MVB12B: variants seen among roughly 807,000 people sequenced by gnomAD.
MVB12B encodes multivesicular body subunit 12B, also known as ESCRT-I complex subunit MVB12B.
A neutral mutation model predicts 41.6 loss-of-function variants in MVB12B; 16 were observed. That is an observed-to-expected ratio of 0.38 (90% CI 0.26 to 0.58). The LOEUF is 0.58. Ranked by LOEUF, MVB12B falls within the 20% of genes least tolerant of loss-of-function variation. The pLI is 0.62. For missense variants in MVB12B, 274 were observed against 380.2 expected (o/e 0.72, Z 2.32); for synonymous variants, 133 against 139.7 (o/e 0.95, Z 0.34).
chr9:126,337,332 C>T (rs1020995920), intron 1 of MVB12B, among the ~76,000 whole-genome samples: 11 of 152,156 alleles, frequency 7.2e-5, no homozygotes, highest in Non-Finnish European at 1.5e-4. Flanking sequence ...CAAACATGGC[C>T]TTAGCTCATT....
At chr9:126,474,703 A>G (rs1017245033) in intron 7 of MVB12B, among the ~76,000 whole-genome samples, 1 of 152,202 alleles carries the variant, frequency 6.6e-6, no homozygotes, top group Admixed American at 6.5e-5. Flanking sequence ...CTTTTGCTGC[A>G]GTTCTCATGT....
intron 2 of MVB12B, among the ~76,000 whole-genome samples, chr9:126,370,838 T>A (rs1588115050): frequency 6.6e-6 from 1 of 152,198 alleles, no homozygotes; most frequent in East Asian, 1.9e-4. Flanking sequence ...GTTTTCAATT[T>A]TAGGGTAGTA....
At chr9:126,428,036 C>T (rs926389572) in intron 7 of MVB12B, among the ~76,000 whole-genome samples, 6 of 151,896 alleles carry the variant, frequency 4.0e-5, no homozygotes, top group African/African-American at 1.5e-4. Flanking sequence ...TTTTAAAAAC[C>T]AGCCCCCCTT....
chr9:126,469,781 A>G (rs1176142337), intron 7 of MVB12B, among the ~76,000 whole-genome samples: 1 of 152,242 alleles, frequency 6.6e-6, no homozygotes, highest in Non-Finnish European at 1.5e-5. Flanking sequence ...AGGTGTGTGC[A>G]CTGACCCAGT....
At chr9:126,456,306 C>T (rs1016481036) in intron 7 of MVB12B, among the ~76,000 whole-genome samples, 1 of 152,186 alleles carries the variant, frequency 6.6e-6, no homozygotes, top group Admixed American at 6.5e-5. Context: ...AGCTCTTTCG[C>T]ACACGATTTC....
intron 7 of MVB12B, among the ~76,000 whole-genome samples, chr9:126,424,520 C>A (rs181604017): frequency 6.6e-6 from 1 of 152,322 alleles, no homozygotes; most frequent in Non-Finnish European, 1.5e-5. Flanking sequence ...TGCTTGAATG[C>A]CTGTGGTGTC....
intron 6 of MVB12B, chr9:126,397,486 G>T (rs1473670282): frequency 2.0e-6 from 2 of 985,326 alleles, no homozygotes; most frequent in African/African-American, 3.5e-5. Flanking sequence ...AAGGAAATCG[G>T]ATCAGTTTTG....
At chr9:126,410,694 T>C (rs892030703) in intron 6 of MVB12B, among the ~76,000 whole-genome samples, 2 of 152,092 alleles carry the variant, frequency 1.3e-5, no homozygotes, top group African/African-American at 4.8e-5. Context: ...CATCCTTGGC[T>C]TTGTGACATC....
Position 126,340,760 on chromosome 9 carries a change from C to A in MVB12B, c.204+130C>A. On this transcript the variant is annotated intron_variant, in intron 2 of 9. Transcript: ENST00000361171. The surrounding 1 kb of genome is among the most constrained non-coding windows in gnomAD (Gnocchi z 4.0). ...CTCTAGGAACTTAATCCAGGGAGGG[C>A]GTGGAGAGCATCCTGGTTTGGGAGT... 3 of 1,111,972 alleles carry A rather than the reference C, an allele frequency of 2.7e-6. No homozygotes were observed. The highest frequency in any genetic ancestry group is 2.5e-6 in the Non-Finnish European group (2 of 789,932). The allele number at this position is 1,111,972 out of a possible 1,614,324, so 68.9% of individuals were successfully genotyped here. A position where few individuals can be genotyped will look rare whatever the true frequency, so the allele number is the denominator to read the frequency against.
intron 6 of MVB12B, among the ~76,000 whole-genome samples, chr9:126,406,286 G>A (rs185866749): frequency 2.5e-4 from 38 of 152,274 alleles, no homozygotes; most frequent in African/African-American, 7.0e-4. Flanking sequence ...AAAAATCACC[G>A]TCCAGCCTGT....
intron 2 of MVB12B, among the ~76,000 whole-genome samples, chr9:126,350,991 A>T (rs543107350): frequency 1.3e-5 from 2 of 152,246 alleles, no homozygotes; most frequent in East Asian, 3.9e-4. Flanking sequence ...TCACATCCCC[A>T]CTATGTTGAG....
At chr9:126,496,961 C>T (rs1289981928) in intron 9 of MVB12B, among the ~76,000 whole-genome samples, 1 of 152,114 alleles carries the variant, frequency 6.6e-6, no homozygotes, top group Non-Finnish European at 1.5e-5. Flanking sequence ...AGTGGGAGAC[C>T]CAGGCTTGGA....
chr9:126,396,879 T>C, intron 6 of MVB12B: 1 of 985,482 alleles, frequency 1.0e-6, no homozygotes, highest in Non-Finnish European at 1.2e-6. Context: ...TGAGTCTCTG[T>C]TGGGTTCAAG....
At chr9:126,337,261 A>G (rs2429922) in intron 1 of MVB12B, among the ~76,000 whole-genome samples, 11,572 of 152,088 alleles carry the variant, frequency 0.076, 567 homozygotes, top group Middle Eastern at 0.18. Flanking sequence ...AGATCAACCT[A>G]TTCCCTCCTG....
In MVB12B at chr9:126,478,959, G is replaced by A. The variant is rs1564345577; in HGVS notation, c.758-2410G>A. Among the ~76,000 whole-genome samples, 1 of 152,188 alleles carries A rather than the reference G, an allele frequency of 6.6e-6. No individual in the cohort carries two copies. Among genetic ancestry groups the A allele is most frequent in the Non-Finnish European group, 1.5e-5 (1 of 68,030 alleles). ...GAGGCAGAAAGTCTGGGGAATGAAT[G>A]GTGAGTGGGTTCTGCAGGGGAGCAA... On this transcript the variant is annotated intron_variant, in intron 7 of 9. Transcript: ENST00000361171. This position sits in a 1 kb window ranked among gnomAD's most constrained non-coding sequence, Gnocchi z 4.2.
In MVB12B at chr9:126,340,395, T is replaced by C; in HGVS notation, c.82-113T>C. The C allele has an allele frequency of 8.5e-7, 1 of 1,181,980 alleles. No homozygotes were observed. Among genetic ancestry groups the C allele is most frequent in the Non-Finnish European group, 1.2e-6 (1 of 816,244 alleles). The allele number at this position is 1,181,980 out of a possible 1,614,324, so 73.2% of individuals were successfully genotyped here. A position where few individuals can be genotyped will look rare whatever the true frequency, so the allele number is the denominator to read the frequency against. The stretch of plus-strand genomic sequence containing the variant: ...TCAGGACTCATTCAACCAGTACAGG[T>C]ATGTGAAACTCAGGGTATTTGCCCC... On this transcript the variant is annotated intron_variant, in intron 1 of 9. Transcript: ENST00000361171. This position sits in a 1 kb window ranked among gnomAD's most constrained non-coding sequence, Gnocchi z 4.0.
chr9:126,331,007 A>G (rs1195937553), intron 1 of MVB12B, among the ~76,000 whole-genome samples: 2 of 152,160 alleles, frequency 1.3e-5, no homozygotes, highest in African/African-American at 2.4e-5. Context: ...TCATTCATCC[A>G]TAGATGGATG....
chr9:126,335,771 G>A (rs1195360085), intron 1 of MVB12B, among the ~76,000 whole-genome samples: 1 of 152,200 alleles, frequency 6.6e-6, no homozygotes, highest in African/African-American at 2.4e-5. Context: ...TGGTATATGT[G>A]AGCAGGCAGT....
rs537507157 is a variant in MVB12B at position 126,339,508 on chromosome 9, A to G, written c.82-1000A>G. 3.3e-5 allele frequency among the ~76,000 whole-genome samples: 5 copies of G among 152,302 alleles called. No individual in the cohort carries two copies. In the South Asian group the frequency reaches 1.0e-3, roughly 32 times the overall value. On this transcript the variant is annotated intron_variant, in intron 1 of 9. Transcript: ENST00000361171. The stretch of plus-strand genomic sequence containing the variant: ...GTGCACTGCCACTCCAGCTGCCCAG[A>G]CCCAGTGCTCTCTATATTCTACCTT...
Sources: gnomAD v4.1 joint callset for allele counts (sites outside exome capture counted in the v4.1 genomes callset) on GRCh38, gnomAD v4.1.1 for gene constraint, Gnocchi (gnomAD v3.1) non-coding constraint, MANE v1.5 for transcripts, NCBI Gene and HGNC (gene_info 2026-07-23, HGNC 2026-07-21) for gene names.